NOTCH2: variants seen among roughly 807,000 people sequenced by gnomAD.
NOTCH2 encodes neurogenic locus notch homolog protein 2.
In NOTCH2, 29 loss-of-function variants were observed where a neutral mutation model predicts 235.8. The ratio of observed to expected loss-of-function variants is 0.12; its 90% CI spans 0.09 to 0.17. The LOEUF (loss-of-function observed/expected upper bound fraction) is 0.17. Among genes scored for constraint, NOTCH2 ranks in the 10% least tolerant of loss-of-function variants. The pLI is 1.00. For missense variants in NOTCH2, 2,285 were observed against 3,150.2 expected (o/e 0.73, Z 6.57); for synonymous variants, 1,086 against 1,141.5 (o/e 0.95, Z 0.98).
intron 4 of NOTCH2, chr1:119,996,332 T>C: frequency 2.8e-6 from 1 of 359,024 alleles, no homozygotes; most frequent in South Asian, 2.6e-5. Flanking sequence ...TGTAACAAAG[T>C]ATTGTGCCAC....
Position 119,949,102 on chromosome 1 carries a change from G to A in NOTCH2, c.2504C>T (p.Ala835Val), listed in dbSNP as rs1553197410. ...CTCACAAGGGTTTGGGGAACAGGGA[G>A]CCAATACTGTCTGACAATTCTTGCC... is the stretch of plus-strand genomic sequence containing the variant. ...YTGKNCQTVL[A>V]PCSPNPCENA... Residue 835 changes from alanine (A) to valine (V), a missense_variant, in exon 16 of 34, where the codon GCT (alanine) becomes GTT (valine). By Grantham distance (64) the Ala-to-Val change is moderately conservative. This residue lies in a region of NOTCH2 where 1,173 missense variants were observed against 1,515.3 expected (regional missense o/e 0.77). Transcript: ENST00000256646. 1.9e-6 allele frequency: 3 copies of A among 1,614,192 alleles called. No individual in the cohort carries two copies. In the South Asian group the frequency reaches 3.3e-5, roughly 18 times the overall value.
In NOTCH2 at chr1:119,923,679, G is replaced by T; in HGVS notation, c.4817C>A (p.Thr1606Lys). ...TTGTTCACCAGGAAGGGATCTGCGT[G>T]TCATCCTCTGTTTCTTCATAGCAGC... ...KSAAMKKQRMTRRSLPGEQEQ... is the reference protein window; with the variant it reads ...KSAAMKKQRMKRRSLPGEQEQ... The change falls in exon 26 of 34, where the codon ACA (threonine) becomes AAA (lysine). Residue 1606 changes from threonine (T) to lysine (K), a missense_variant. By Grantham distance (78) the Thr-to-Lys change is moderately conservative (BLOSUM62 -1). Around this residue, in one of 6 missense-constraint regions of NOTCH2, gnomAD observed 1,173 missense variants for 1,515.3 expected, o/e 0.77. Coordinates refer to ENST00000256646, the MANE Select transcript of NOTCH2 (RefSeq NM_024408.4). The T allele has an allele frequency of 6.2e-7, 1 of 1,614,166 alleles. No individual in the cohort carries two copies. Among genetic ancestry groups the T allele is most frequent in the Non-Finnish European group, 8.5e-7 (1 of 1,180,032 alleles).
chr1:119,935,336 T>A, intron 22 of NOTCH2, 136 bp downstream of exon 22: 5 of 1,598,176 alleles, frequency 3.1e-6, no homozygotes, highest in Non-Finnish European at 3.4e-6. Context: ...CTTGAATTAC[T>A]AGGATGTAGA....
chr1:119,966,278 T>C, intron 9 of NOTCH2, 98 bp downstream of exon 9: 1 of 834,584 alleles, frequency 1.2e-6, no homozygotes, highest in Non-Finnish European at 2.1e-6. Flanking sequence ...AATGATTTCC[T>C]CATGCACAGC....
In NOTCH2 at chr1:119,991,897, G is replaced by A. The variant is rs1468934055; in HGVS notation, c.752-4815C>T. Among the ~76,000 whole-genome samples the A allele has an allele frequency of 1.5e-5, 2 of 134,048 alleles. 1 individual carries two copies. Among genetic ancestry groups the A allele is most frequent in the East Asian group, 4.0e-4 (2 of 5,016 alleles). The allele number at this position is 134,048 out of a possible 152,430, so 87.9% of individuals were successfully genotyped here. On this transcript the variant is annotated intron_variant, in intron 4 of 33. Transcript: ENST00000256646. Reference sequence around the variant, plus strand: ...GCCCCCAAGTGTGAGAATGCAAGAGGGAATCCCTGACCTATCCCTATCCAA... The same window carrying A: ...GCCCCCAAGTGTGAGAATGCAAGAGAGAATCCCTGACCTATCCCTATCCAA...
intron 1 of NOTCH2, among the ~76,000 whole-genome samples, chr1:120,065,872 T>C (rs1424852380): frequency 2.0e-5 from 3 of 152,180 alleles, no homozygotes; most frequent in African/African-American, 7.2e-5. Context: ...CATGTAACTA[T>C]GGACTGTGAA....
In NOTCH2 at chr1:119,923,644, C is replaced by G. The variant is rs1257826155; in HGVS notation, c.4852G>C (p.Val1618Leu). 1 of 1,614,002 alleles carries G rather than the reference C, an allele frequency of 6.2e-7. No individual in the cohort carries two copies. Among genetic ancestry groups the G allele is most frequent in the South Asian group, 1.1e-5 (1 of 91,080 alleles). Reference sequence around the variant, plus strand: ...CAGAAACCAAACACCTACCCAGCCACCTCCTGTTCTTGTTCACCAGGAAGG... The same window carrying G: ...CAGAAACCAAACACCTACCCAGCCAGCTCCTGTTCTTGTTCACCAGGAAGG... ...RSLPGEQEQE[V>L]AGSKVFLEID... The change falls in exon 26 of 34, where the codon GTG (valine) becomes CTG (leucine). Residue 1618 changes from valine (V) to leucine (L), a missense_variant. Transcript: ENST00000256646.
intron 22 of NOTCH2, among the ~76,000 whole-genome samples, chr1:119,931,026 C>T (rs1649634134): frequency 6.7e-6 from 1 of 149,550 alleles, no homozygotes; most frequent in South Asian, 2.1e-4. Flanking sequence ...TGGCATGAAC[C>T]TGGGAGGTGG....
rs782319914 is a variant in NOTCH2, at chr1:119,929,011, T to C, written c.3857A>G (p.Asn1286Ser). 1 of 1,614,136 alleles carries C rather than the reference T, an allele frequency of 6.2e-7. No homozygotes were observed. Among genetic ancestry groups the C allele is most frequent in the Non-Finnish European group, 8.5e-7 (1 of 1,180,016 alleles). ...EGSLDCIQLTNDYLCVCRSAF... is the reference protein window; with the variant it reads ...EGSLDCIQLTSDYLCVCRSAF... ...ACTACGGCAAACACACAGGTAGTCATTGGTGAGCTGTATACAGTCCAGGCT... is the reference window on the plus strand; with the variant it reads ...ACTACGGCAAACACACAGGTAGTCACTGGTGAGCTGTATACAGTCCAGGCT... Residue 1286 changes from asparagine to serine, a missense_variant, in exon 23 of 34, where the codon AAT becomes AGT. By Grantham distance (46) the Asn-to-Ser change is conservative. This residue lies in a region of NOTCH2 where 1,173 missense variants were observed against 1,515.3 expected (regional missense o/e 0.77). Transcript: ENST00000256646.
At chr1:119,963,317 T>G (rs780799836) in intron 11 of NOTCH2, among the ~76,000 whole-genome samples, 1 of 152,162 alleles carries the variant, frequency 6.6e-6, no homozygotes, top group Non-Finnish European at 1.5e-5. Flanking sequence ...ATTTTTGAAG[T>G]GGTATGCCTC....
intron 10 of NOTCH2, 137 bp from the exon 11 acceptor site, chr1:119,963,944 A>AACG: frequency 1.3e-6 from 1 of 757,784 alleles, no homozygotes; most frequent in Non-Finnish European, 2.3e-6. Context: ...AGCAGTAGAA[A>AACG]ACGACGATCT....
chr1:119,949,151 T>C lies in NOTCH2; in HGVS notation c.2480-25A>G, dbSNP rs1650366718. 4 of 1,614,020 alleles carry C rather than the reference T, an allele frequency of 2.5e-6. No homozygotes were observed. The African/African-American group carries it at 4.0e-5, about 16-fold the overall frequency. On this transcript the variant is annotated intron_variant, in intron 15 of 33. Coordinates refer to ENST00000256646, the MANE Select transcript of NOTCH2 (RefSeq NM_024408.4). The stretch of plus-strand genomic sequence containing the variant: ...CCTAGAAAGTAAATGACAGAGTTTA[T>C]GACAGATAAACAGGTAAGAAAACGA...
chr1:119,938,018 A>G lies in NOTCH2; in HGVS notation c.3184-8T>C. The G allele has an allele frequency of 6.2e-7, 1 of 1,614,152 alleles. No homozygotes were observed. The highest frequency in any genetic ancestry group is 8.5e-7 in the Non-Finnish European group (1 of 1,179,944). ...GCAGAGATTCACCAGGGTCTGAAAC[A>G]GAGGCAGGGGTGTACATACATCAAA... On this transcript the variant is annotated splice_region_variant and splice_polypyrimidine_tract_variant and intron_variant, in intron 19 of 33. Transcript: ENST00000256646.
chr1:119,949,130 G>A lies in NOTCH2; in HGVS notation c.2480-4C>T. ...AATACTGTCTGACAATTCTTGCCTA[G>A]AAAGTAAATGACAGAGTTTATGACA... is the stretch of plus-strand genomic sequence containing the variant. On this transcript the variant is annotated splice_region_variant and splice_polypyrimidine_tract_variant and intron_variant, in intron 15 of 33. Coordinates refer to ENST00000256646, the MANE Select transcript of NOTCH2 (RefSeq NM_024408.4). The A allele has an allele frequency of 6.2e-7, 1 of 1,614,138 alleles. No homozygotes were observed. Among genetic ancestry groups the A allele is most frequent in the Non-Finnish European group, 8.5e-7 (1 of 1,180,012 alleles).
In NOTCH2 at chr1:119,920,313, T is replaced by C. The variant is rs749112261; in HGVS notation, c.5395A>G (p.Ile1799Val). ...WTQQHLEAADIRRTPSLALTP... is the reference protein window; with the variant it reads ...WTQQHLEAADVRRTPSLALTP... ...AGAGCCAGCGATGGTGTCCTACGGA[T>C]GTCTGCAGCTTCAAGGTGCTGCTGT... Residue 1799 changes from isoleucine (I) to valine (V), a missense_variant, in exon 30 of 34, where the codon ATC (isoleucine) becomes GTC (valine). Ile to Val is a conservative substitution (Grantham distance 29, BLOSUM62 3). Coordinates refer to ENST00000256646, the MANE Select transcript of NOTCH2 (RefSeq NM_024408.4). The C allele has an allele frequency of 1.9e-6, 3 of 1,614,184 alleles. No homozygotes were observed. Among genetic ancestry groups the C allele is most frequent in the East Asian group, 2.2e-5 (1 of 44,882 alleles).
chr1:119,968,304 C>A, intron 6 of NOTCH2, 72 bp from the exon 7 acceptor site: 1 of 1,496,406 alleles, frequency 6.7e-7, no homozygotes, highest in Middle Eastern at 2.2e-4. Context: ...TCTCTTTCAC[C>A]CAGGAGGGAA....
intron 15 of NOTCH2, 129 bp from the exon 16 acceptor site, chr1:119,949,255 C>A: frequency 1.1e-6 from 1 of 944,610 alleles, no homozygotes. Context: ...TGGAGAAGCC[C>A]ATGATCTTTC....
chr1:119,941,626 C>T lies in NOTCH2; in HGVS notation c.2881G>A (p.Gly961Arg), dbSNP rs2101105319. 1 of 1,614,170 alleles carries T rather than the reference C, an allele frequency of 6.2e-7. No homozygotes were observed. Among genetic ancestry groups the T allele is most frequent in the South Asian group, 1.1e-5 (1 of 91,080 alleles). The change falls in exon 18 of 34, where the codon GGA (glycine) becomes AGA (arginine). Residue 961 changes from glycine (G) to arginine (R), a missense_variant. By Grantham distance (125) the Gly-to-Arg change is moderately radical. Transcript: ENST00000256646. ...TTGACGTAGTCAGAGCAGGTCCCTC[C>T]ATTCTTACAGGGTTCACTCAGACAC... ...NECLSEPCKN[G>R]GTCSDYVNSY...
intron 5 of NOTCH2, among the ~76,000 whole-genome samples, chr1:119,977,886 G>A (rs587665137): frequency 9.5e-4 from 145 of 152,076 alleles, no homozygotes; most frequent in African/African-American, 2.7e-3. Context: ...ACACACACAC[G>A]CACACAAACA....
Sources: gnomAD v4.1 joint callset for allele counts (sites outside exome capture counted in the v4.1 genomes callset) on GRCh38, gnomAD v4.1.1 for gene constraint, gnomAD v4.1.1 regional missense constraint, MANE v1.5 for transcripts, NCBI Gene and HGNC (gene_info 2026-07-23, HGNC 2026-07-21) for gene names.